Variants in PGM5 observed in about 807,000 individuals in gnomAD.
The protein encoded by PGM5 is phosphoglucomutase 5.
A neutral mutation model predicts 59.2 loss-of-function variants in PGM5; 23 were observed. The observed-to-expected ratio is 0.39, with a 90% CI of 0.28 to 0.55. PGM5 has a LOEUF of 0.55. Ranked by LOEUF, PGM5 falls within the 20% of genes least tolerant of loss-of-function variation. The pLI is 0.66. For synonymous variants in PGM5, 214 were observed against 286.0 expected, an observed-to-expected ratio of 0.75 and a Z score of 2.54; for missense variants, 574 against 748.3, an observed-to-expected ratio of 0.77 and a Z score of 2.72.
chr9:68,504,188 C>T (rs1824621441), intron 10 of PGM5, among the ~76,000 whole-genome samples: 1 of 152,228 alleles, frequency 6.6e-6, no homozygotes, highest in African/African-American at 2.4e-5. Context: ...TTGGATTCCA[C>T]CTGAATGTCT....
At chr9:68,420,670 A>G (rs1245945365) in intron 6 of PGM5, among the ~76,000 whole-genome samples, 1 of 152,126 alleles carries the variant, frequency 6.6e-6, no homozygotes, top group Non-Finnish European at 1.5e-5. Flanking sequence ...CAGATGTGGT[A>G]CCTTAGAGCC....
rs1373656346 is a variant in PGM5, at chr9:68,529,566, G to A, written c.1615-1G>A. On this transcript the variant is annotated splice_acceptor_variant, in intron 10 of 10. Coordinates refer to ENST00000396396, the MANE Select transcript of PGM5 (RefSeq NM_021965.4). LOFTEE classifies it high-confidence loss of function. ...CACAGACTTTCCTTTTCCTTTTGCA[G>A]GCAGTGCTGAGCCCTCTCATAGCCA... 6.3e-7 allele frequency: 1 copy of A among 1,588,378 alleles called. No homozygotes were observed. Among genetic ancestry groups the A allele is most frequent in the South Asian group, 1.1e-5 (1 of 87,970 alleles).
intron 6 of PGM5, among the ~76,000 whole-genome samples, chr9:68,410,278 T>A (rs1554681515): frequency 2.0e-5 from 3 of 152,180 alleles, no homozygotes; most frequent in African/African-American, 7.2e-5. Flanking sequence ...AGGGAAGTTG[T>A]GAAATGGGAG....
intron 9 of PGM5, 21 bp from the exon 10 acceptor site, chr9:68,499,206 T>G: frequency 3.7e-6 from 6 of 1,613,836 alleles, no homozygotes; most frequent in Non-Finnish European, 5.1e-6. Flanking sequence ...ACTGCTCCAT[T>G]CTGGATGTTC....
intron 10 of PGM5, among the ~76,000 whole-genome samples, chr9:68,527,638 C>T (rs1349630541): frequency 3.3e-5 from 5 of 152,106 alleles, no homozygotes; most frequent in Admixed American, 6.6e-5. Context: ...AAAAGAATCC[C>T]TTCTGTTTTT....
chr9:68,450,796 T>G (rs1823684474), intron 6 of PGM5, among the ~76,000 whole-genome samples: 1 of 152,212 alleles, frequency 6.6e-6, no homozygotes, highest in Non-Finnish European at 1.5e-5. Flanking sequence ...TAGTGCTGGG[T>G]TAGTGTGCTG....
At chr9:68,394,137 G>T (rs1342103888) in intron 6 of PGM5, 1 of 152,050 alleles carries the variant, frequency 6.6e-6, no homozygotes, top group Non-Finnish European at 1.5e-5. Flanking sequence ...ACATTCTGAG[G>T]TGACGGGAAT....
At chr9:68,421,205 C>T (rs1455522490) in intron 6 of PGM5, among the ~76,000 whole-genome samples, 1 of 152,214 alleles carries the variant, frequency 6.6e-6, no homozygotes, top group Non-Finnish European at 1.5e-5. Flanking sequence ...CTAATCGGCC[C>T]TGTATCTCCA....
rs549274363 is a variant in PGM5, at chr9:68,442,640, C to T, written c.1044-22453C>T. Among the ~76,000 whole-genome samples the T allele has an allele frequency of 5.3e-5, 8 of 152,302 alleles. No homozygotes were observed. The South Asian group carries it at 1.7e-3, about 32-fold the overall frequency. On this transcript the variant is annotated intron_variant, in intron 6 of 10. Coordinates refer to ENST00000396396, the MANE Select transcript of PGM5 (RefSeq NM_021965.4). Reference sequence around the variant, plus strand: ...AATACACCTAAATAAATGTGGCTGACTGATTTTTGACAATGGTGCTAAAGC... The same window carrying T: ...AATACACCTAAATAAATGTGGCTGATTGATTTTTGACAATGGTGCTAAAGC...
In PGM5 at chr9:68,488,536, AC is replaced by A. The variant is rs1824334750; in HGVS notation, c.1479+4491del. On this transcript the variant is annotated intron_variant, in intron 9 of 10. Transcript: ENST00000396396. ...GGACCATTCAAGGAGCAAGAAGGAAACCCTGAAGTTCTCAACCCCTGACATG... is the reference window on the plus strand; with the variant it reads ...GGACCATTCAAGGAGCAAGAAGGAAACCTGAAGTTCTCAACCCCTGACATG... 2.0e-5 allele frequency among the ~76,000 whole-genome samples: 3 copies of A among 152,244 alleles called. No individual in the cohort carries two copies. The South Asian group carries it at 6.2e-4, about 32-fold the overall frequency.
intron 6 of PGM5, among the ~76,000 whole-genome samples, chr9:68,417,108 G>C (rs1823045863): frequency 6.6e-6 from 1 of 152,228 alleles, no homozygotes; most frequent in South Asian, 2.1e-4. Flanking sequence ...ATGCTGATAA[G>C]ACAAACACTC....
At chr9:68,510,294 C>G (rs529126048) in intron 10 of PGM5, among the ~76,000 whole-genome samples, 4 of 151,576 alleles carry the variant, frequency 2.6e-5, no homozygotes, top group Admixed American at 2.6e-4. Context: ...TGGGACTACA[C>G]GCACCCGCCA....
At chr9:68,419,134 C>A (rs868979332) in intron 6 of PGM5, among the ~76,000 whole-genome samples, 1 of 152,188 alleles carries the variant, frequency 6.6e-6, no homozygotes, top group Admixed American at 6.5e-5. Context: ...ATGTAACACA[C>A]AATTGATCTC....
intron 7 of PGM5, among the ~76,000 whole-genome samples, chr9:68,469,215 C>T (rs1823984481): frequency 6.6e-6 from 1 of 152,192 alleles, no homozygotes; most frequent in Admixed American, 6.5e-5. Context: ...GCCATGCCGG[C>T]CACTATTACT....
chr9:68,357,562 TC>T lies in PGM5; in HGVS notation c.261+178del, dbSNP rs1316503596. Among the ~76,000 whole-genome samples, 924 of 152,206 alleles carry T rather than the reference TC, an allele frequency of 6.1e-3. 1 individual carries two copies. The highest frequency in any genetic ancestry group is 0.022 in the African/African-American group (893 of 41,522). ...CCCCACTCCCGCCGCGCTCGCAGCC[TC>T]CCCGGTGCACCCCGGACACTGGGTT... On this transcript the variant is annotated intron_variant, in intron 1 of 10. Transcript: ENST00000396396.
chr9:68,466,278 T>G, intron 7 of PGM5: 2 of 1,000,400 alleles, frequency 2.0e-6, no homozygotes, highest in Non-Finnish European at 2.6e-6. Context: ...GTGTTTTTTT[T>G]TTTTTTTTAG....
rs574735729 is a variant in PGM5, at chr9:68,381,443, C to G, written c.425-2955C>G. 2.1e-3 allele frequency among the ~76,000 whole-genome samples: 321 copies of G among 152,014 alleles called. 2 individuals carry two copies. The highest frequency in any genetic ancestry group is 7.1e-3 in the African/African-American group (295 of 41,534). On this transcript the variant is annotated intron_variant, in intron 2 of 10. Transcript: ENST00000396396. The stretch of plus-strand genomic sequence containing the variant: ...ATAATCAATTGGGGACAACTGAAAA[C>G]TTTTCCACAATTTAGTACATGGCAG...
At chr9:68,496,555 T>C (rs1824486261) in intron 9 of PGM5, among the ~76,000 whole-genome samples, 1 of 152,246 alleles carries the variant, frequency 6.6e-6, no homozygotes, top group African/African-American at 2.4e-5. Context: ...GGCTGATGCA[T>C]GCTATTCACA....
At chr9:68,434,762 A>G (rs1823418907) in intron 6 of PGM5, among the ~76,000 whole-genome samples, 1 of 151,726 alleles carries the variant, frequency 6.6e-6, no homozygotes, top group Admixed American at 6.6e-5. Flanking sequence ...TGCGCTCCAG[A>G]CTGAGAGACA....
Sources: gnomAD v4.1 joint callset for allele counts (sites outside exome capture counted in the v4.1 genomes callset) on GRCh38, gnomAD v4.1.1 for gene constraint, MANE v1.5 for transcripts, NCBI Gene and HGNC (gene_info 2026-07-23, HGNC 2026-07-21) for gene names.